MBD5: variants seen among roughly 807,000 people sequenced by gnomAD.
The protein encoded by MBD5 is methyl-CpG-binding domain protein 5.
Under a neutral mutation model 117.3 loss-of-function variants are expected in MBD5, and 13 were observed. The ratio of observed to expected loss-of-function variants is 0.11; its 90% CI spans 0.07 to 0.18. MBD5 has a LOEUF of 0.18. Among genes scored for constraint, MBD5 ranks in the 10% least tolerant of loss-of-function variants. The pLI is 1.00. For synonymous variants in MBD5, 727 were observed against 766.4 expected (o/e 0.95, Z 0.85); for missense variants, 1,879 against 2,093.8 (o/e 0.90, Z 2.00).
chr2:148,239,854 T>C (rs1452715523), intron 3 of MBD5, among the ~76,000 whole-genome samples: 1 of 152,180 alleles, frequency 6.6e-6, no homozygotes, highest in Non-Finnish European at 1.5e-5. Flanking sequence ...CACACCACCA[T>C]GCCCAGCTAA....
intron 2 of MBD5, among the ~76,000 whole-genome samples, chr2:148,211,314 C>G (rs16848350): frequency 0.02 from 3,038 of 152,196 alleles, 117 homozygotes; most frequent in African/African-American, 0.068. Flanking sequence ...TTTTCAGAAG[C>G]CATAGTTCAC....
At chr2:148,416,862 T>C (rs1705435450) in intron 4 of MBD5, among the ~76,000 whole-genome samples, 1 of 152,166 alleles carries the variant, frequency 6.6e-6, no homozygotes, top group Admixed American at 6.5e-5. Flanking sequence ...AAAGTGAGAA[T>C]GTGTGGTATT....
intron 1 of MBD5, among the ~76,000 whole-genome samples, chr2:148,178,405 G>A (rs927901356): frequency 6.6e-5 from 10 of 152,094 alleles, no homozygotes; most frequent in South Asian, 2.1e-4. Context: ...ATTTTAAATC[G>A]TATAAAAATT....
chr2:148,064,278 G>C (rs1013375030), intron 1 of MBD5, among the ~76,000 whole-genome samples: 4 of 151,874 alleles, frequency 2.6e-5, no homozygotes, highest in Non-Finnish European at 4.4e-5. Context: ...ACCACGCCCG[G>C]CTAATTTTTT....
chr2:148,431,857 G>A (rs78128601), intron 4 of MBD5, among the ~76,000 whole-genome samples: 1 of 152,212 alleles, frequency 6.6e-6, no homozygotes, highest in South Asian at 2.1e-4. Flanking sequence ...ACGTGCATGT[G>A]TCTTTATGAT....
chr2:148,490,616 G>T, intron 11 of MBD5, 22 bp downstream of exon 11: 5 of 1,613,604 alleles, frequency 3.1e-6, no homozygotes, highest in Non-Finnish European at 3.4e-6. Flanking sequence ...TTTATCCATT[G>T]TCAAATACTA....
chr2:148,278,077 A>G (rs2106369459), intron 3 of MBD5, among the ~76,000 whole-genome samples: 1 of 152,162 alleles, frequency 6.6e-6, no homozygotes, highest in African/African-American at 2.4e-5. Flanking sequence ...TTGGCAACCA[A>G]TGATTTGTTT....
rs192530861 is a variant in MBD5, at chr2:148,501,775, A to T, written c.4963-661A>T. On this transcript the variant is annotated intron_variant, in intron 11 of 13. Coordinates refer to ENST00000642680, the MANE Select transcript of MBD5 (RefSeq NM_001378120.1). ...GCAAGACAAGACAAAGGACACACCC[A>T]CAAGGCATAGCAACACCCTCTTCTC... 1.2e-3 allele frequency among the ~76,000 whole-genome samples: 178 copies of T among 152,286 alleles called. No homozygotes were observed. In the Middle Eastern group the frequency reaches 0.014, roughly 12 times the overall value.
intron 1 of MBD5, among the ~76,000 whole-genome samples, chr2:148,101,210 G>A (rs1161057593): frequency 6.6e-6 from 1 of 152,096 alleles, no homozygotes; most frequent in Non-Finnish European, 1.5e-5. Context: ...TAGTGCTTTG[G>A]GAGGCTGAGG....
At chr2:148,472,982 C>CTAA (rs1194253737) in intron 8 of MBD5, among the ~76,000 whole-genome samples, 1 of 152,106 alleles carries the variant, frequency 6.6e-6, no homozygotes, top group Non-Finnish European at 1.5e-5. Context: ...AACTGAGGTT[C>CTAA]ATCTGATTCT....
intron 1 of MBD5, among the ~76,000 whole-genome samples, chr2:148,130,789 A>G (rs185259268): frequency 1.3e-5 from 2 of 152,330 alleles, no homozygotes; most frequent in African/African-American, 4.8e-5. Context: ...CTCGTGTAGC[A>G]TACTCCAGAG....
At chr2:148,505,245 T>C (rs996466176) in intron 12 of MBD5, among the ~76,000 whole-genome samples, 1 of 152,136 alleles carries the variant, frequency 6.6e-6, no homozygotes, top group Non-Finnish European at 1.5e-5. Flanking sequence ...AAGTGGAGGT[T>C]ACAGGGGGAA....
At position 148,196,433 on chromosome 2, in the gene MBD5, G is replaced by C. The variant is rs146845520; in HGVS notation, c.-831+17640G>C. Reference sequence around the variant, plus strand: ...ATGTAATGCCTATAACTATATGAGGGAAGCATTCTGAAAGAGTCCCTTTCA... The same window carrying C: ...ATGTAATGCCTATAACTATATGAGGCAAGCATTCTGAAAGAGTCCCTTTCA... On this transcript the variant is annotated intron_variant, in intron 2 of 13. Coordinates refer to ENST00000642680, the MANE Select transcript of MBD5 (RefSeq NM_001378120.1). 7.9e-5 allele frequency among the ~76,000 whole-genome samples: 12 copies of C among 152,214 alleles called. No homozygotes were observed. The East Asian group carries it at 2.3e-3, about 29-fold the overall frequency.
intron 3 of MBD5, among the ~76,000 whole-genome samples, chr2:148,297,866 C>T (rs1701691545): frequency 6.6e-6 from 1 of 152,170 alleles, no homozygotes; most frequent in Non-Finnish European, 1.5e-5. Context: ...AATTCTCCCT[C>T]ACTCTATTCT....
In MBD5 at chr2:148,021,472, C is replaced by T. The variant is rs1476751262; in HGVS notation, c.-1137C>T. 3 of 577,878 alleles carry T rather than the reference C, an allele frequency of 5.2e-6. No individual in the cohort carries two copies. The highest frequency in any genetic ancestry group is 2.2e-5 in the Admixed American group (1 of 44,566). The allele number at this position is 577,878 out of a possible 1,614,324, so 35.8% of individuals were successfully genotyped here. Reference sequence around the variant, plus strand: ...CCCTTTGCTGCTGCTGTTGCTGCTGCTGCTGCTGTTGCTGCTGCTGCTGCT... The same window carrying T: ...CCCTTTGCTGCTGCTGTTGCTGCTGTTGCTGCTGTTGCTGCTGCTGCTGCT... On this transcript the variant is annotated 5_prime_UTR_variant, in exon 1 of 14. Transcript: ENST00000642680.
chr2:148,151,908 A>T (rs1484791346), intron 1 of MBD5, among the ~76,000 whole-genome samples: 1 of 151,856 alleles, frequency 6.6e-6, no homozygotes. Flanking sequence ...GGATTCATTA[A>T]TTTTTGAAGG....
chr2:148,102,721 CACACACACAG>C (rs559174208), intron 1 of MBD5, among the ~76,000 whole-genome samples: 1,109 of 90,796 alleles, frequency 0.012, 11 homozygotes, highest in African/African-American at 0.024. Flanking sequence ...CACACACACA[CACACACACAG>C]AGAGAGAGAG....
chr2:148,308,313 A>T (rs999408978), intron 3 of MBD5, among the ~76,000 whole-genome samples: 6 of 152,028 alleles, frequency 3.9e-5, no homozygotes, highest in Admixed American at 2.6e-4. Context: ...TTGTTTCTTG[A>T]CTTTTTAATG....
intron 1 of MBD5, among the ~76,000 whole-genome samples, chr2:148,029,412 A>G (rs1040804796): frequency 1.3e-5 from 2 of 152,156 alleles, no homozygotes; most frequent in Non-Finnish European, 2.9e-5. Flanking sequence ...AGCTTGAAAA[A>G]TATAGCAATA....
Sources: gnomAD v4.1 joint callset for allele counts (sites outside exome capture counted in the v4.1 genomes callset) on GRCh38, gnomAD v4.1.1 for gene constraint, MANE v1.5 for transcripts, NCBI Gene and HGNC (gene_info 2026-07-23, HGNC 2026-07-21) for gene names.